Variants in OSBPL9 observed in about 807,000 individuals in gnomAD.
OSBPL9 encodes the protein oxysterol-binding protein-related protein 9.
A neutral mutation model predicts 106.6 loss-of-function variants in OSBPL9; 40 were observed. The ratio of observed to expected loss-of-function variants is 0.38; its 90% CI spans 0.29 to 0.49. OSBPL9 has a LOEUF of 0.49. Ranked by LOEUF, OSBPL9 falls within the 20% of genes least tolerant of loss-of-function variation. The probability of loss-of-function intolerance (pLI) is 0.97; values close to 1 mark genes in which losing one functional copy is unlikely to be tolerated. For synonymous variants in OSBPL9, 269 were observed against 295.4 expected (o/e 0.91, Z 0.92); for missense variants, 609 against 887.2 (o/e 0.69, Z 3.98).
At chr1:51,589,020 G>T (rs906279630) in intron 1 of OSBPL9, among the ~76,000 whole-genome samples, 1 of 152,160 alleles carries the variant, frequency 6.6e-6, no homozygotes, top group African/African-American at 2.4e-5. Context: ...ACTTTTTGGG[G>T]TGATGGAAGT....
the OSBPL9 span, among the ~76,000 whole-genome samples, chr1:51,522,583 G>C: frequency 6.6e-6 from 1 of 152,150 alleles, no homozygotes; most frequent in Non-Finnish European, 1.5e-5. Context: ...AGAGCACTGG[G>C]TCATATCCCA....
At chr1:51,634,162 T>C (rs905169862) in intron 1 of OSBPL9, among the ~76,000 whole-genome samples, 1 of 152,220 alleles carries the variant, frequency 6.6e-6, no homozygotes. Flanking sequence ...GTGTTCTTCT[T>C]GTTCCCTTTT....
At chr1:51,596,165 A>G (rs957413314) in intron 1 of OSBPL9, among the ~76,000 whole-genome samples, 2 of 150,540 alleles carry the variant, frequency 1.3e-5, no homozygotes, top group South Asian at 2.1e-4. Context: ...AGGCTGAAGC[A>G]GGAGAATTTC....
At chr1:51,696,820 A>G (rs915134257) in intron 3 of OSBPL9, among the ~76,000 whole-genome samples, 2 of 151,400 alleles carry the variant, frequency 1.3e-5, no homozygotes, top group Non-Finnish European at 3.0e-5. Flanking sequence ...TTTATTTTTT[A>G]TTTTTATCTT....
chr1:51,563,966 G>C, the OSBPL9 span, among the ~76,000 whole-genome samples: 3 of 137,756 alleles, frequency 2.2e-5, no homozygotes, highest in Non-Finnish European at 3.1e-5. Context: ...CACCTGGTGG[G>C]AGGATCTGAG....
At chr1:51,670,537 T>C (rs780142371) in intron 3 of OSBPL9, among the ~76,000 whole-genome samples, 8 of 152,194 alleles carry the variant, frequency 5.3e-5, no homozygotes, top group Non-Finnish European at 8.8e-5. Context: ...GTTATTTTTC[T>C]TCATTGTCTT....
chr1:51,675,453 A>G (rs1650962371), intron 3 of OSBPL9, among the ~76,000 whole-genome samples: 1 of 151,832 alleles, frequency 6.6e-6, no homozygotes, highest in African/African-American at 2.4e-5. Flanking sequence ...ACAATTTTTT[A>G]TGTAGACCGA....
At chr1:51,755,009 G>T (rs1024479676) in intron 8 of OSBPL9, among the ~76,000 whole-genome samples, 2 of 152,146 alleles carry the variant, frequency 1.3e-5, no homozygotes, top group Admixed American at 6.5e-5. Flanking sequence ...GTCTTGCTTT[G>T]TTGCTTAGAC....
rs761746144 is a variant in OSBPL9 at position 51,786,533 on chromosome 1, C to A, written c.1916C>A (p.Thr639Lys). 6.2e-7 allele frequency: 1 copy of A among 1,600,444 alleles called. No individual in the cohort carries two copies. The change falls in exon 22 of 24, where the codon ACA (threonine) becomes AAA (lysine). Residue 639 changes from threonine to lysine, a missense_variant. Physicochemically the swap from Thr to Lys is moderately conservative, Grantham distance 78. Transcript: ENST00000428468. ...MYAKYATGEN[T>K]VFVDTKKLPI... ...ACCTCTATTGTTTTCTAGGAAAATA[C>A]AGTCTTTGTAGATACCAAGAAGTTG... is the stretch of plus-strand genomic sequence containing the variant.
chr1:51,705,775 G>A (rs906538585), intron 3 of OSBPL9, among the ~76,000 whole-genome samples: 2 of 152,014 alleles, frequency 1.3e-5, no homozygotes, highest in African/African-American at 4.8e-5. Context: ...ATATATTTTT[G>A]TATTGTTAGA....
intron 1 of OSBPL9, among the ~76,000 whole-genome samples, chr1:51,634,882 G>A (rs1184625066): frequency 5.9e-5 from 9 of 152,292 alleles, no homozygotes; most frequent in Admixed American, 5.9e-4. Flanking sequence ...TAAGAACCAA[G>A]GGAAGAGGGA....
At chr1:51,669,769 G>A in intron 3 of OSBPL9, 1 of 590,002 alleles carries the variant, frequency 1.7e-6, no homozygotes, top group South Asian at 1.5e-5. Context: ...TCAGTGAAGG[G>A]AGAGAGTAAT....
intron 2 of OSBPL9, among the ~76,000 whole-genome samples, chr1:51,605,251 C>T (rs1412142114): frequency 6.6e-6 from 1 of 152,076 alleles, no homozygotes; most frequent in African/African-American, 2.4e-5. Context: ...GCTACAAGAG[C>T]CATTTAAATA....
At chr1:51,728,609 T>A (rs1463899685) in intron 4 of OSBPL9, among the ~76,000 whole-genome samples, 1 of 152,180 alleles carries the variant, frequency 6.6e-6, no homozygotes, top group Non-Finnish European at 1.5e-5. Context: ...GCATCTGGTG[T>A]TGGGCATTTT....
At chr1:51,782,530 A>G (rs79137867) in intron 16 of OSBPL9, 29 bp from the exon 17 acceptor site, 3 of 1,605,754 alleles carry the variant, frequency 1.9e-6, no homozygotes, top group Non-Finnish European at 2.6e-6. Flanking sequence ...TTTCTCATCA[A>G]AAGAAAATTA....
chr1:51,746,625 C>G, intron 5 of OSBPL9, 85 bp from the exon 6 acceptor site: 12 of 947,592 alleles, frequency 1.3e-5, no homozygotes, highest in Non-Finnish European at 1.9e-5. Flanking sequence ...TGTTTAAGAA[C>G]AAATGTTTGT....
chr1:51,740,094 T>C (rs1300102148), intron 4 of OSBPL9: 2 of 1,547,866 alleles, frequency 1.3e-6, no homozygotes, highest in Non-Finnish European at 1.7e-6. Flanking sequence ...GATGTTAGAC[T>C]CACAGCATGG....
At chr1:51,781,456 ATTG>A (rs1164448483) in intron 16 of OSBPL9, 121 bp downstream of exon 16, 19 of 1,021,728 alleles carry the variant, frequency 1.9e-5, no homozygotes, top group Admixed American at 2.3e-5. Flanking sequence ...CATAGAAGAA[ATTG>A]TTGTTAGAGC....
At chr1:51,679,169 G>C (rs1226909900) in intron 3 of OSBPL9, among the ~76,000 whole-genome samples, 1 of 152,198 alleles carries the variant, frequency 6.6e-6, no homozygotes, top group East Asian at 1.9e-4. Context: ...GGACTTCACT[G>C]ATGTACTTTT....
Sources: gnomAD v4.1 joint callset for allele counts (sites outside exome capture counted in the v4.1 genomes callset) on GRCh38, gnomAD v4.1.1 for gene constraint, MANE v1.5 for transcripts, NCBI Gene and HGNC (gene_info 2026-07-23, HGNC 2026-07-21) for gene names.